Variants in ZNF169 observed in about 807,000 individuals in gnomAD.
ZNF169 encodes zinc finger protein 169.
Under a neutral mutation model 12.0 loss-of-function variants are expected in ZNF169, and 11 were observed. That is an observed-to-expected ratio of 0.92 (90% CI 0.58 to 1.52). The LOEUF (loss-of-function observed/expected upper bound fraction) is 1.52, where lower values mean the gene tolerates loss of function less well. Among genes scored for constraint, ZNF169 ranks in the 40% most tolerant of loss-of-function variants. ZNF169 has a pLI of 0.00. For synonymous variants in ZNF169, 302 were observed against 286.5 expected (o/e 1.05, Z -0.55); for missense variants, 722 against 744.0 (o/e 0.97, Z 0.34).
At chr9:94,284,709 T>C (rs1225736626) in intron 2 of ZNF169, among the ~76,000 whole-genome samples, 1 of 152,154 alleles carries the variant, frequency 6.6e-6, no homozygotes, top group African/African-American at 2.4e-5. Context: ...TAAAGAAAAC[T>C]GCAAAATATT....
chr9:94,278,924 G>A, intron 2 of ZNF169, 79 bp downstream of exon 2: 2 of 1,455,206 alleles, frequency 1.4e-6, no homozygotes, highest in East Asian at 4.6e-5. Context: ...CCTTCTTGGT[G>A]TTAGGCAAAG....
chr9:94,300,286 T>G lies in ZNF169; in HGVS notation c.728T>G (p.Phe243Cys). The G allele has an allele frequency of 1.2e-6, 2 of 1,614,100 alleles. No individual in the cohort carries two copies. Among genetic ancestry groups the G allele is most frequent in the African/African-American group, 1.3e-5 (1 of 75,008 alleles). The change falls in exon 5 of 5, where the codon TTT becomes TGT. Residue 243 changes from phenylalanine to cysteine, a missense_variant. Physicochemically the swap from Phe to Cys is radical, Grantham distance 205. Coordinates refer to ENST00000395395, the MANE Select transcript of ZNF169 (RefSeq NM_194320.4). ...GTGTGCCCTGAATGCGGGAGAGGCT[T>G]TTGCCAGAGATCAGACCTTATCAAG... ...HHVCPECGRGFCQRSDLIKHQ... is the reference protein window; with the variant it reads ...HHVCPECGRGCCQRSDLIKHQ...
chr9:94,276,268 C>CT (rs889880738), intron 1 of ZNF169, among the ~76,000 whole-genome samples: 6 of 151,792 alleles, frequency 4.0e-5, no homozygotes, highest in South Asian at 2.1e-4. Flanking sequence ...ATTGGGGTCT[C>CT]TTTTTTTTGT....
At chr9:94,280,812 T>C (rs1001560161) in intron 2 of ZNF169, among the ~76,000 whole-genome samples, 1 of 152,062 alleles carries the variant, frequency 6.6e-6, no homozygotes, top group Non-Finnish European at 1.5e-5. Context: ...GTGGGTAGTT[T>C]GACGGAAGGG....
chr9:94,300,495 T>C lies in ZNF169; in HGVS notation c.937T>C (p.Ser313Pro). The change falls in exon 5 of 5, where the codon TCC (serine) becomes CCC (proline). Residue 313 changes from serine to proline, a missense_variant. Physicochemically the swap from Ser to Pro is moderately conservative, Grantham distance 74. Transcript: ENST00000395395. ...SSLTNHKRIH[S>P]GERPFVCQEC... ...TCTCACTAATCACAAGAGGATTCAC[T>C]CCGGGGAGAGGCCCTTTGTATGTCA... is the stretch of plus-strand genomic sequence containing the variant. 1 of 1,613,946 alleles carries C rather than the reference T, an allele frequency of 6.2e-7. No individual in the cohort carries two copies. Among genetic ancestry groups the C allele is most frequent in the Non-Finnish European group, 8.5e-7 (1 of 1,179,988 alleles).
chr9:94,301,175 GA>G lies in ZNF169; in HGVS notation c.1619del (p.Lys540SerfsTer79). The G allele has an allele frequency of 6.2e-7, 1 of 1,614,240 alleles. No homozygotes were observed. The highest frequency in any genetic ancestry group is 1.7e-5 in the Admixed American group (1 of 60,030). ...CTGACCAAAGGACACACTCAGGAGA[GA>G]AGCCCTGCATTTGCGATGAATGTGG... ...ISDQRTHSGE[K>X]PCICDECGRG... On this transcript the variant is annotated frameshift_variant, in exon 5 of 5. Coordinates refer to ENST00000395395, the MANE Select transcript of ZNF169 (RefSeq NM_194320.4). LOFTEE classifies it low-confidence loss of function (END_TRUNC).
chr9:94,296,750 G>A (rs1273435062), intron 4 of ZNF169: 2 of 456,844 alleles, frequency 4.4e-6, no homozygotes, highest in African/African-American at 2.0e-5. Flanking sequence ...CCACAGTTTT[G>A]ATTACTGTAG....
In ZNF169 at chr9:94,300,358, G is replaced by C; in HGVS notation, c.800G>C (p.Cys267Ser). The change falls in exon 5 of 5, where the codon TGT becomes TCT. Residue 267 changes from cysteine (C) to serine (S), a missense_variant. Physicochemically the swap from Cys to Ser is moderately radical, Grantham distance 112 (BLOSUM62 -1). Transcript: ENST00000395395. ...TGEKPYLCPE[C>S]GRRFSQKASL... is the part of the protein sequence containing the mutation. The stretch of plus-strand genomic sequence containing the variant: ...GAGAAGCCATACCTGTGTCCTGAGT[G>C]TGGGCGTCGGTTTAGCCAGAAGGCC... The C allele has an allele frequency of 6.2e-7, 1 of 1,614,106 alleles. No homozygotes were observed. Among genetic ancestry groups the C allele is most frequent in the South Asian group, 1.1e-5 (1 of 91,076 alleles).
At chr9:94,293,093 C>T (rs367601465) in intron 4 of ZNF169, 24 bp downstream of exon 4, 196 of 1,598,050 alleles carry the variant, frequency 1.2e-4, no homozygotes, top group Non-Finnish European at 1.5e-4. Context: ...CCTGGGCAAG[C>T]GAGGGTGCAG....
At position 94,293,078 on chromosome 9, in the gene ZNF169, G is replaced by A. The variant is rs1427785597; in HGVS notation, c.256+9G>A. The A allele has an allele frequency of 1.2e-6, 2 of 1,610,524 alleles. No homozygotes were observed. The highest frequency in any genetic ancestry group is 1.7e-5 in the Admixed American group (1 of 59,680). ...TCTGGACCTTTGTCCAGGTGAGTGGGAAGCCCTGGGCAAGCGAGGGTGCAG... is the reference window on the plus strand; with the variant it reads ...TCTGGACCTTTGTCCAGGTGAGTGGAAAGCCCTGGGCAAGCGAGGGTGCAG... On this transcript the variant is annotated intron_variant, in intron 4 of 4. Transcript: ENST00000395395.
intron 1 of ZNF169, among the ~76,000 whole-genome samples, chr9:94,269,079 AT>A (rs904854733): frequency 6.6e-6 from 1 of 151,686 alleles, no homozygotes; most frequent in Non-Finnish European, 1.5e-5. Context: ...AAAAAAAAAA[AT>A]TTTTCCTTCC....
At chr9:94,291,703 G>A (rs571242322) in intron 2 of ZNF169, among the ~76,000 whole-genome samples, 2 of 152,206 alleles carry the variant, frequency 1.3e-5, no homozygotes, top group South Asian at 2.1e-4. Context: ...TTAAAATACA[G>A]TACCATTAAA....
intron 2 of ZNF169, among the ~76,000 whole-genome samples, chr9:94,282,099 G>A (rs1381269221): frequency 1.3e-5 from 2 of 152,122 alleles, no homozygotes; most frequent in Non-Finnish European, 2.9e-5. Flanking sequence ...ATATTTTGAG[G>A]TTAAATATTT....
Position 94,299,620 on chromosome 9 carries a change from C to T in ZNF169, c.257-195C>T, listed in dbSNP as rs1831014564. ...TATAGAGCTGAAGCTGCCTGTGATG[C>T]TTTTTTGAACCTTTTAGTTTGGCTG... On this transcript the variant is annotated intron_variant, in intron 4 of 4. Transcript: ENST00000395395. The T allele has an allele frequency of 3.6e-6, 5 of 1,380,090 alleles. No individual in the cohort carries two copies. In the South Asian group the frequency reaches 7.6e-5, roughly 21 times the overall value. 85.5% of individuals were successfully genotyped at this position (1,380,090 alleles called of 1,614,324 possible).
intron 4 of ZNF169, chr9:94,296,889 C>CA (rs897283398): frequency 2.9e-5 from 13 of 444,732 alleles, no homozygotes; most frequent in East Asian, 2.1e-4. Flanking sequence ...ACTAAAAATA[C>CA]AAAAAAAACT....
chr9:94,277,358 T>C (rs796206118), intron 1 of ZNF169, among the ~76,000 whole-genome samples: 29 of 152,276 alleles, frequency 1.9e-4, no homozygotes, highest in African/African-American at 6.7e-4. Context: ...TAGTTGATTA[T>C]ATCTCTTGTA....
At chr9:94,288,016 G>A (rs1830751267) in intron 2 of ZNF169, 3 of 779,732 alleles carry the variant, frequency 3.8e-6, no homozygotes, top group Non-Finnish European at 4.6e-6. Context: ...GTGTGAAACT[G>A]GAATTCATCA....
chr9:94,263,122 C>A (rs900045190), intron 1 of ZNF169, among the ~76,000 whole-genome samples: 2 of 150,736 alleles, frequency 1.3e-5, no homozygotes, highest in African/African-American at 4.9e-5. Context: ...ATGTTCAAAT[C>A]TTGTATTTCC....
rs761754360 is a variant in ZNF169, at chr9:94,292,332, G to GTGC, written c.34-7_34-6insCTG. On this transcript the variant is annotated splice_polypyrimidine_tract_variant and intron_variant, in intron 2 of 4. Coordinates refer to ENST00000395395, the MANE Select transcript of ZNF169 (RefSeq NM_194320.4). ...CTGTTGAGTGAGCAGGGATGTGTTT[G>GTGC]TGTTACAGGCATTGATGGCCTTCCG... 5 of 1,614,132 alleles carry GTGC rather than the reference G, an allele frequency of 3.1e-6. No individual in the cohort carries two copies. The South Asian group carries it at 5.5e-5, about 18-fold the overall frequency.
Sources: gnomAD v4.1 joint callset for allele counts (sites outside exome capture counted in the v4.1 genomes callset) on GRCh38, gnomAD v4.1.1 for gene constraint, MANE v1.5 for transcripts, NCBI Gene and HGNC (gene_info 2026-07-23, HGNC 2026-07-21) for gene names.